Variants in GALNT14 observed in about 807,000 individuals in gnomAD.
GALNT14 encodes the protein polypeptide N-acetylgalactosaminyltransferase 14.
Under a neutral mutation model 77.5 loss-of-function variants are expected in GALNT14, and 60 were observed. The observed-to-expected ratio is 0.77, with a 90% CI of 0.63 to 0.96. GALNT14 has a LOEUF of 0.96. GALNT14 is among the 40% of genes least tolerant of loss of function. The pLI, the probability that GALNT14 is intolerant of heterozygous loss-of-function variation, is 0.00. For synonymous variants in GALNT14, 280 were observed against 281.7 expected (o/e 0.99, Z 0.06); for missense variants, 710 against 731.0 (o/e 0.97, Z 0.33).
the GALNT14 span, among the ~76,000 whole-genome samples, chr2:30,902,464 C>G: frequency 1.3e-5 from 2 of 152,264 alleles, no homozygotes; most frequent in Middle Eastern, 6.8e-3. Context: ...TAAGGTGACT[C>G]TTCGTTATCA....
chr2:31,046,058 C>T (rs61507719), intron 1 of GALNT14, among the ~76,000 whole-genome samples: 2,548 of 152,190 alleles, frequency 0.017, 76 homozygotes, highest in African/African-American at 0.056. Flanking sequence ...GTGCTAATCA[C>T]TTTTCATGGA....
downstream of GALNT14, among the ~76,000 whole-genome samples, chr2:30,907,271 G>A (rs1357879932): frequency 6.6e-6 from 1 of 152,174 alleles, no homozygotes; most frequent in Non-Finnish European, 1.5e-5. Flanking sequence ...GATTCCAGGA[G>A]CTGGTTTTTT....
At chr2:31,008,116 T>C (rs988287277) in intron 1 of GALNT14, among the ~76,000 whole-genome samples, 6 of 152,132 alleles carry the variant, frequency 3.9e-5, no homozygotes, top group Admixed American at 2.0e-4. Flanking sequence ...GACAGGGTCT[T>C]GCTTTGTCAC....
At chr2:31,050,731 C>T (rs183373409) in intron 1 of GALNT14, among the ~76,000 whole-genome samples, 30 of 151,288 alleles carry the variant, frequency 2.0e-4, no homozygotes, top group Admixed American at 7.2e-4. Context: ...CTCTTTATAA[C>T]GTCTCTATAA....
intron 1 of GALNT14, among the ~76,000 whole-genome samples, chr2:31,085,318 C>A (rs1218439165): frequency 6.6e-6 from 1 of 152,228 alleles, no homozygotes; most frequent in Non-Finnish European, 1.5e-5. Context: ...TACCCCAGAG[C>A]TATCAGGACA....
intron 8 of GALNT14, 55 bp downstream of exon 8, chr2:30,944,803 G>A: frequency 7.3e-7 from 1 of 1,374,286 alleles, no homozygotes; most frequent in Non-Finnish European, 9.9e-7. Context: ...CCCTACACTT[G>A]ACAGGATCCA....
chr2:31,000,726 C>T (rs1670318841), intron 1 of GALNT14, among the ~76,000 whole-genome samples: 2 of 152,140 alleles, frequency 1.3e-5, no homozygotes, highest in Admixed American at 1.3e-4. Context: ...GCCTGCTTTA[C>T]GCAAAGTCTG....
At chr2:31,057,737 G>A (rs555992847) in intron 1 of GALNT14, among the ~76,000 whole-genome samples, 2 of 152,154 alleles carry the variant, frequency 1.3e-5, no homozygotes, top group African/African-American at 4.8e-5. Context: ...TCTGCATGAT[G>A]GCTATGCTCC....
At chr2:31,052,892 G>A (rs1376125253) in intron 1 of GALNT14, among the ~76,000 whole-genome samples, 4 of 152,210 alleles carry the variant, frequency 2.6e-5, no homozygotes, top group Admixed American at 2.6e-4. Context: ...AGAACTGGGT[G>A]TCCAATATCT....
At chr2:31,094,000 G>A (rs774969526) in intron 1 of GALNT14, among the ~76,000 whole-genome samples, 1 of 152,206 alleles carries the variant, frequency 6.6e-6, no homozygotes, top group Admixed American at 6.5e-5. Context: ...GACCCTGTCA[G>A]GCCTCTGACC....
At chr2:31,035,553 A>ATGTGTGTGTGTGTGTGTGTG (rs573163116) in intron 1 of GALNT14, among the ~76,000 whole-genome samples, 11 of 129,522 alleles carry the variant, frequency 8.5e-5, no homozygotes, top group Non-Finnish European at 1.6e-4. Flanking sequence ...GATAAAGAAA[A>ATGTGTGTGTGTGTGTGTGTG]TGTGTGTGTG....
chr2:31,098,147 G>C (rs760691834), intron 1 of GALNT14, among the ~76,000 whole-genome samples: 1 of 152,086 alleles, frequency 6.6e-6, no homozygotes, highest in Non-Finnish European at 1.5e-5. Context: ...ATATTATCAG[G>C]GGAGATCCAA....
intron 1 of GALNT14, among the ~76,000 whole-genome samples, chr2:31,072,114 C>G (rs970424246): frequency 3.9e-5 from 6 of 152,078 alleles, no homozygotes; most frequent in Admixed American, 1.3e-4. Context: ...CAAAAAGGAG[C>G]ATTTCAAGAT....
At chr2:31,041,779 T>C (rs1673107700) in intron 1 of GALNT14, among the ~76,000 whole-genome samples, 1 of 152,104 alleles carries the variant, frequency 6.6e-6, no homozygotes, top group Non-Finnish European at 1.5e-5. Context: ...GGAAAAAAGT[T>C]AAGAAGCCCA....
At chr2:30,898,652 G>A in the GALNT14 span, among the ~76,000 whole-genome samples, 7 of 152,194 alleles carry the variant, frequency 4.6e-5, no homozygotes, top group Non-Finnish European at 2.9e-5. Flanking sequence ...TAGCCTTTAT[G>A]CTTTAGTGGG....
chr2:30,999,384 C>A (rs545186332), intron 1 of GALNT14, among the ~76,000 whole-genome samples: 45 of 152,314 alleles, frequency 3.0e-4, no homozygotes, highest in African/African-American at 1.0e-3. Flanking sequence ...CTAGTCTAAT[C>A]TTTCTCTTTC....
At chr2:31,091,491 G>GC (rs981523380) in intron 1 of GALNT14, among the ~76,000 whole-genome samples, 8 of 152,172 alleles carry the variant, frequency 5.3e-5, no homozygotes, top group African/African-American at 1.9e-4. Context: ...CTCTGTACTT[G>GC]CCCCAAGGCC....
chr2:31,062,425 C>A (rs536040265), intron 1 of GALNT14, among the ~76,000 whole-genome samples: 1 of 152,020 alleles, frequency 6.6e-6, no homozygotes, highest in Non-Finnish European at 1.5e-5. Flanking sequence ...TATTCCATGG[C>A]GTATATGTGC....
At chr2:30,916,967 C>T (rs1272999335) in intron 13 of GALNT14, among the ~76,000 whole-genome samples, 1 of 149,700 alleles carries the variant, frequency 6.7e-6, no homozygotes, top group Non-Finnish European at 1.5e-5. Flanking sequence ...ATCCCAGCTA[C>T]TCAGGAGGCT....
Sources: gnomAD v4.1 joint callset for allele counts (sites outside exome capture counted in the v4.1 genomes callset) on GRCh38, gnomAD v4.1.1 for gene constraint, MANE v1.5 for transcripts, NCBI Gene and HGNC (gene_info 2026-07-23, HGNC 2026-07-21) for gene names.